ANAPC10: variants seen among roughly 807,000 people sequenced by gnomAD.
ANAPC10 encodes anaphase promoting complex subunit 10, also known as anaphase-promoting complex subunit 10.
In ANAPC10, 12 loss-of-function variants were observed where a neutral mutation model predicts 22.0. The ratio of observed to expected loss-of-function variants is 0.55; its 90% CI spans 0.35 to 0.88. The LOEUF (loss-of-function observed/expected upper bound fraction) is 0.88. ANAPC10 is among the 40% of genes least tolerant of loss of function. The pLI, the probability that ANAPC10 is intolerant of heterozygous loss-of-function variation, is 0.01. For synonymous variants in ANAPC10, 65 were observed against 69.5 expected (o/e 0.94, Z 0.32); for missense variants, 188 against 220.9 (o/e 0.85, Z 0.94).
intron 4 of ANAPC10, among the ~76,000 whole-genome samples, chr4:145,014,120 G>A (rs900734762): frequency 1.3e-5 from 2 of 152,084 alleles, no homozygotes; most frequent in Non-Finnish European, 2.9e-5. Context: ...AGCATCCAGT[G>A]TGCAGCCTCC....
At chr4:145,085,475 T>C (rs917326331) in intron 2 of ANAPC10, among the ~76,000 whole-genome samples, 1 of 152,028 alleles carries the variant, frequency 6.6e-6, no homozygotes, top group Non-Finnish European at 1.5e-5. Context: ...AGGTTTTTTT[T>C]CTCCTCCATT....
chr4:145,016,451 C>T (rs1283575945), intron 4 of ANAPC10, among the ~76,000 whole-genome samples: 1 of 152,206 alleles, frequency 6.6e-6, no homozygotes, highest in East Asian at 1.9e-4. Context: ...CTACAAACCA[C>T]TGCTGAACAA....
At chr4:145,051,219 C>G (rs371079111) in intron 4 of ANAPC10, among the ~76,000 whole-genome samples, 11 of 144,480 alleles carry the variant, frequency 7.6e-5, no homozygotes, top group African/African-American at 2.7e-4. Flanking sequence ...TCTCAGGGAA[C>G]AGGAAAACAC....
chr4:145,007,874 A>C (rs2126896668), intron 4 of ANAPC10, among the ~76,000 whole-genome samples: 1 of 151,948 alleles, frequency 6.6e-6, no homozygotes, highest in African/African-American at 2.4e-5. Flanking sequence ...CCTTCAAAAA[A>C]AAAAAAATCA....
At chr4:145,022,196 T>C (rs1026823771) in intron 4 of ANAPC10, among the ~76,000 whole-genome samples, 2 of 152,122 alleles carry the variant, frequency 1.3e-5, no homozygotes, top group Non-Finnish European at 2.9e-5. Context: ...ATGAAAAAGA[T>C]ACTTGCACAC....
At chr4:145,005,523 G>A (rs534206641) in intron 4 of ANAPC10, among the ~76,000 whole-genome samples, 1 of 151,966 alleles carries the variant, frequency 6.6e-6, no homozygotes, top group South Asian at 2.1e-4. Context: ...GTTTGCTCTC[G>A]GTTCCCTAGT....
At chr4:145,012,160 GTATATGTGTGTGTGTGTATATA>G (rs1213782359) in intron 4 of ANAPC10, among the ~76,000 whole-genome samples, 2 of 134,012 alleles carry the variant, frequency 1.5e-5, no homozygotes, top group East Asian at 4.6e-4. Flanking sequence ...CAAGCTATAT[GTATATGTGTGTGTGTGTATATA>G]TATATATATA....
intron 4 of ANAPC10, among the ~76,000 whole-genome samples, chr4:145,037,526 A>T (rs1363558390): frequency 6.6e-6 from 1 of 152,248 alleles, no homozygotes; most frequent in Non-Finnish European, 1.5e-5. Context: ...ATTTGATATC[A>T]TGCCACTGGA....
intron 3 of ANAPC10, among the ~76,000 whole-genome samples, chr4:145,078,222 C>T (rs1232192223): frequency 6.6e-6 from 1 of 151,836 alleles, no homozygotes; most frequent in Non-Finnish European, 1.5e-5. Flanking sequence ...TTTCTATATA[C>T]CAATAACATA....
intron 4 of ANAPC10, among the ~76,000 whole-genome samples, chr4:145,037,874 A>G (rs1560857965): frequency 6.6e-6 from 1 of 150,836 alleles, no homozygotes; most frequent in African/African-American, 2.4e-5. Context: ...TTGAACCTAG[A>G]AGGTCTAGGC....
chr4:145,021,090 G>T (rs1357591458), intron 4 of ANAPC10, among the ~76,000 whole-genome samples: 1 of 151,336 alleles, frequency 6.6e-6, no homozygotes, highest in Non-Finnish European at 1.5e-5. Flanking sequence ...TTGTGAAAAT[G>T]ACCATACCAC....
chr4:145,008,977 C>A (rs963808498), intron 4 of ANAPC10, among the ~76,000 whole-genome samples: 1 of 152,132 alleles, frequency 6.6e-6, no homozygotes, highest in African/African-American at 2.4e-5. Flanking sequence ...AGCTGATAAG[C>A]AACTTCAGCA....
intron 4 of ANAPC10, among the ~76,000 whole-genome samples, chr4:145,001,478 T>C (rs1054313339): frequency 1.3e-5 from 2 of 152,126 alleles, no homozygotes; most frequent in Admixed American, 6.6e-5. Context: ...TTGAAATTTA[T>C]TGTTTACATG....
At chr4:145,051,220 AG>A (rs998469729) in intron 4 of ANAPC10, among the ~76,000 whole-genome samples, 1 of 144,044 alleles carries the variant, frequency 6.9e-6, no homozygotes, top group African/African-American at 2.4e-5. Flanking sequence ...CTCAGGGAAC[AG>A]GAAAACACAA....
At position 145,028,821 on chromosome 4, in the gene ANAPC10, G is replaced by A. The variant is rs868691378; in HGVS notation, c.328-33218C>T. ...GAGAACCAAGGAACATAATGAAGCT[G>A]GTTGGTTGCTCCTAAGTTCAGTGGA... On this transcript the variant is annotated intron_variant, in intron 4 of 4. Coordinates refer to ENST00000507656, the MANE Select transcript of ANAPC10 (RefSeq NM_001256706.2). Among the ~76,000 whole-genome samples the A allele has an allele frequency of 4.6e-5, 7 of 152,258 alleles. 1 individual carries two copies. Among genetic ancestry groups the A allele is most frequent in the Admixed American group, 1.3e-4 (2 of 15,286 alleles).
intron 4 of ANAPC10, among the ~76,000 whole-genome samples, chr4:144,996,376 A>C (rs1193466307): frequency 6.6e-6 from 1 of 152,190 alleles, no homozygotes; most frequent in East Asian, 1.9e-4. Context: ...CGCCACTTGG[A>C]GAATCTAGAT....
chr4:145,009,618 T>C (rs1360133962), intron 4 of ANAPC10, among the ~76,000 whole-genome samples: 3 of 152,108 alleles, frequency 2.0e-5, no homozygotes, highest in Admixed American at 6.5e-5. Flanking sequence ...TGGCTAGCCA[T>C]ATGTAGAAAG....
chr4:144,995,213 A>G lies in ANAPC10; in HGVS notation c.*160T>C, dbSNP rs904663476. On this transcript the variant is annotated 3_prime_UTR_variant, in exon 5 of 5. Coordinates refer to ENST00000507656, the MANE Select transcript of ANAPC10 (RefSeq NM_001256706.2). ...TTACATGTTAAAGAAAATAAAGATA[A>G]TATGACCCCAAATTTATTTGTCAAA... 5 of 450,524 alleles carry G rather than the reference A, an allele frequency of 1.1e-5. No individual in the cohort carries two copies. The highest frequency in any genetic ancestry group is 1.0e-4 in the African/African-American group (5 of 49,748). 27.9% of individuals were successfully genotyped at this position (450,524 alleles called of 1,614,324 possible). A position where few individuals can be genotyped will look rare whatever the true frequency, so the allele number is the denominator to read the frequency against.
At chr4:145,079,885 G>A (rs757463921) in intron 3 of ANAPC10, among the ~76,000 whole-genome samples, 75 of 152,044 alleles carry the variant, frequency 4.9e-4, no homozygotes, top group Non-Finnish European at 9.4e-4. Flanking sequence ...AGGCCGAGGC[G>A]GCTAGATCAC....
Sources: gnomAD v4.1 joint callset for allele counts (sites outside exome capture counted in the v4.1 genomes callset) on GRCh38, gnomAD v4.1.1 for gene constraint, MANE v1.5 for transcripts, NCBI Gene and HGNC (gene_info 2026-07-23, HGNC 2026-07-21) for gene names.